The following SFMBT1 variants were observed in gnomAD, a reference collection of about 807,000 sequenced individuals.
The protein encoded by SFMBT1 is Scm like with four mbt domains 1.
Under a neutral mutation model 108.7 loss-of-function variants are expected in SFMBT1, and 32 were observed. The observed-to-expected ratio is 0.29, with a 90% confidence interval of 0.22 to 0.40. The LOEUF (loss-of-function observed/expected upper bound fraction) is 0.40, where lower values mean the gene tolerates loss of function less well. SFMBT1 is among the 10% of genes least tolerant of loss of function. SFMBT1 has a pLI of 1.00. For synonymous variants in SFMBT1, 348 were observed against 369.5 expected (o/e 0.94, Z 0.67); for missense variants, 816 against 1,059.6 (o/e 0.77, Z 3.19).
intron 2 of SFMBT1, among the ~76,000 whole-genome samples, chr3:52,963,338 C>A (rs1704028702): frequency 1.3e-5 from 2 of 152,082 alleles, no homozygotes; most frequent in East Asian, 3.9e-4. Context: ...AATTTAGAAA[C>A]AATTAAATTG....
chr3:53,010,314 C>T (rs1331479936), intron 1 of SFMBT1, among the ~76,000 whole-genome samples: 3 of 152,176 alleles, frequency 2.0e-5, no homozygotes, highest in Non-Finnish European at 2.9e-5. Flanking sequence ...GGGTGTGGTG[C>T]AGGAAGCCTG....
chr3:53,012,527 C>A (rs1048859879), intron 1 of SFMBT1, among the ~76,000 whole-genome samples: 7 of 152,030 alleles, frequency 4.6e-5, no homozygotes, highest in Non-Finnish European at 7.4e-5. Context: ...CTCAGCCTCC[C>A]GAGTAGCTGG....
intron 2 of SFMBT1, among the ~76,000 whole-genome samples, chr3:52,963,032 C>T (rs1704016946): frequency 6.6e-6 from 1 of 151,942 alleles, no homozygotes; most frequent in Non-Finnish European, 1.5e-5. Flanking sequence ...TTCACTCTGT[C>T]ACCCAGGCTG....
At chr3:53,029,778 C>G (rs538613773) in intron 1 of SFMBT1, among the ~76,000 whole-genome samples, 132 of 152,208 alleles carry the variant, frequency 8.7e-4, no homozygotes, top group Non-Finnish European at 1.5e-3. Context: ...TATGCCATCC[C>G]CTCTGCAACA....
At chr3:53,008,069 CAAAA>C (rs11403096) in intron 1 of SFMBT1, among the ~76,000 whole-genome samples, 1 of 142,320 alleles carries the variant, frequency 7.0e-6, no homozygotes. Flanking sequence ...CCCACCCCCG[CAAAA>C]AAAAAAAAAG....
chr3:52,981,221 G>C (rs1163619023), intron 1 of SFMBT1, among the ~76,000 whole-genome samples: 3 of 151,918 alleles, frequency 2.0e-5, no homozygotes, highest in African/African-American at 7.2e-5. Flanking sequence ...GCCAGCAAAG[G>C]ATGGTTTGAT....
Position 53,000,031 on chromosome 3 carries a change from T to G in SFMBT1, c.-130-30773A>C, listed in dbSNP as rs1330190248. Among the ~76,000 whole-genome samples the G allele has an allele frequency of 1.3e-5, 2 of 149,650 alleles. 1 individual carries two copies. The highest frequency in any genetic ancestry group is 3.0e-5 in the Non-Finnish European group (2 of 66,828). ...GTGCCACCACATCAGCCCGGCTAAT[T>G]TTTTGTATTTTTAGTAGAGACAGGG... On this transcript the variant is annotated intron_variant, in intron 1 of 20. Transcript: ENST00000394752.
At chr3:52,989,677 T>C (rs1406878930) in intron 1 of SFMBT1, among the ~76,000 whole-genome samples, 1 of 151,588 alleles carries the variant, frequency 6.6e-6, no homozygotes, top group Non-Finnish European at 1.5e-5. Flanking sequence ...CGCGCGCCTG[T>C]AGTCCCAGCT....
chr3:52,921,153 C>T (rs1702509075), intron 11 of SFMBT1, among the ~76,000 whole-genome samples: 2 of 152,174 alleles, frequency 1.3e-5, no homozygotes, highest in Admixed American at 1.3e-4. Flanking sequence ...GCATTAAATG[C>T]CAATTCTACA....
At chr3:52,992,456 TA>T (rs550600871) in intron 1 of SFMBT1, among the ~76,000 whole-genome samples, 27 of 152,216 alleles carry the variant, frequency 1.8e-4, no homozygotes, top group African/African-American at 4.6e-4. Flanking sequence ...AAAATTAAAA[TA>T]AAAAAAATTT....
chr3:53,025,995 C>A (rs1271773742), intron 1 of SFMBT1, among the ~76,000 whole-genome samples: 1 of 152,182 alleles, frequency 6.6e-6, no homozygotes, highest in Non-Finnish European at 1.5e-5. Flanking sequence ...GCTAATATTG[C>A]GTGCAAATGG....
chr3:52,942,004 G>A (rs1473573571), intron 4 of SFMBT1, among the ~76,000 whole-genome samples: 12 of 152,204 alleles, frequency 7.9e-5, no homozygotes, highest in Non-Finnish European at 1.5e-5. Flanking sequence ...TGTGGTACTA[G>A]CTATTAGGGA....
chr3:52,990,847 G>A (rs964613716), intron 1 of SFMBT1, among the ~76,000 whole-genome samples: 3 of 152,154 alleles, frequency 2.0e-5, no homozygotes, highest in African/African-American at 7.2e-5. Context: ...ACTACTATGG[G>A]GTGATGTCAA....
chr3:52,914,175 T>C (rs936317552), intron 14 of SFMBT1, among the ~76,000 whole-genome samples: 1 of 152,216 alleles, frequency 6.6e-6, no homozygotes, highest in Admixed American at 6.5e-5. Context: ...GGGGTATAAC[T>C]GGGTCTGGAG....
At chr3:52,947,120 C>CTT (rs111716780) in intron 3 of SFMBT1, among the ~76,000 whole-genome samples, 24 of 139,726 alleles carry the variant, frequency 1.7e-4, no homozygotes, top group Non-Finnish European at 2.6e-4. Flanking sequence ...GTCTTTTTCA[C>CTT]TTTTTTTTTT....
At chr3:52,953,464 C>A (rs1309330917) in intron 3 of SFMBT1, among the ~76,000 whole-genome samples, 2 of 151,420 alleles carry the variant, frequency 1.3e-5, no homozygotes, top group East Asian at 3.9e-4. Flanking sequence ...AAACCTAGGT[C>A]TAGATATAAA....
At chr3:52,975,598 A>C (rs904637051) in intron 1 of SFMBT1, among the ~76,000 whole-genome samples, 2 of 152,120 alleles carry the variant, frequency 1.3e-5, no homozygotes, top group Non-Finnish European at 2.9e-5. Context: ...CAGGAAGCTG[A>C]GAATTTTTTT....
At chr3:53,013,027 A>G (rs1448121179) in intron 1 of SFMBT1, among the ~76,000 whole-genome samples, 1 of 151,736 alleles carries the variant, frequency 6.6e-6, no homozygotes, top group Non-Finnish European at 1.5e-5. Context: ...ATTTTATACT[A>G]CCTTTCCCAA....
chr3:52,948,640 ATTATTATTATTG>A, intron 3 of SFMBT1, among the ~76,000 whole-genome samples: 1 of 149,486 alleles, frequency 6.7e-6, no homozygotes, highest in African/African-American at 2.4e-5. Context: ...TATTATTATT[ATTATTATTATTG>A]TTATTATTAT....
Sources: allele counts gnomAD v4.1 joint callset (sites outside exome capture counted in the v4.1 genomes callset), GRCh38; gene constraint gnomAD v4.1.1; transcripts MANE v1.5; gene names NCBI Gene and HGNC (gene_info 2026-07-23, HGNC 2026-07-21).